The following CCDC91 variants were observed in gnomAD, a reference collection of about 807,000 sequenced individuals.
The protein encoded by CCDC91 is coiled-coil domain-containing protein 91.
Under a neutral mutation model 63.2 loss-of-function variants are expected in CCDC91, and 48 were observed. The observed-to-expected ratio is 0.76, with a 90% CI of 0.60 to 0.97. CCDC91 has a LOEUF of 0.97. Ranked by LOEUF, CCDC91 falls within the 50% of genes least tolerant of loss-of-function variation. CCDC91 has a pLI of 0.00. For synonymous variants in CCDC91, 167 were observed against 165.8 expected, an observed-to-expected ratio of 1.01 and a Z score of -0.06; for missense variants, 500 against 494.6, an observed-to-expected ratio of 1.01 and a Z score of -0.10.
At chr12:28,391,208 T>TATTA in intron 7 of CCDC91, 96 bp from the exon 8 acceptor site, 1 of 654,436 alleles carries the variant, frequency 1.5e-6, no homozygotes, top group East Asian at 2.7e-5. Context: ...GAGAATATCG[T>TATTA]ATTACAGTAT....
At chr12:28,530,174 T>C (rs1375232314) in intron 12 of CCDC91, among the ~76,000 whole-genome samples, 1 of 152,192 alleles carries the variant, frequency 6.6e-6, no homozygotes, top group Non-Finnish European at 1.5e-5. Flanking sequence ...GGTTATGACA[T>C]TGCATGACTT....
intron 11 of CCDC91, among the ~76,000 whole-genome samples, chr12:28,463,076 G>A (rs1429723968): frequency 6.6e-6 from 1 of 152,168 alleles, no homozygotes; most frequent in Non-Finnish European, 1.5e-5. Flanking sequence ...AGCTTCTACA[G>A]AAGTTACAAG....
intron 8 of CCDC91, among the ~76,000 whole-genome samples, chr12:28,443,462 T>TATTC (rs903797266): frequency 6.6e-6 from 1 of 151,760 alleles, no homozygotes; most frequent in Non-Finnish European, 1.5e-5. Flanking sequence ...ATTTTTTATT[T>TATTC]ATTCATTCAT....
At chr12:28,547,222 T>G (rs141641186) in intron 12 of CCDC91, among the ~76,000 whole-genome samples, 12 of 152,212 alleles carry the variant, frequency 7.9e-5, no homozygotes, top group African/African-American at 2.9e-4. Flanking sequence ...TCTGTACTGT[T>G]TAATTTAGAC....
chr12:28,291,242 C>T (rs1209246414), intron 3 of CCDC91, among the ~76,000 whole-genome samples: 2 of 152,042 alleles, frequency 1.3e-5, no homozygotes, highest in African/African-American at 2.4e-5. Flanking sequence ...AAATGTTTTC[C>T]CTGAAAAAGT....
At chr12:28,191,639 C>T (rs1234228235) in intron 1 of CCDC91, among the ~76,000 whole-genome samples, 2 of 150,952 alleles carry the variant, frequency 1.3e-5, no homozygotes, top group Non-Finnish European at 3.0e-5. Flanking sequence ...TTCCCCCCCC[C>T]ACAATATTTA....
chr12:28,333,200 C>A (rs1450775111), intron 6 of CCDC91, among the ~76,000 whole-genome samples: 1 of 151,512 alleles, frequency 6.6e-6, no homozygotes, highest in African/African-American at 2.4e-5. Context: ...TCGAGACTAT[C>A]ATGGCTAACA....
At chr12:28,504,365 A>G (rs1435506715) in intron 12 of CCDC91, among the ~76,000 whole-genome samples, 4 of 152,062 alleles carry the variant, frequency 2.6e-5, no homozygotes, top group South Asian at 2.1e-4. Context: ...TCATTCATTA[A>G]CAAATATTTG....
intron 7 of CCDC91, among the ~76,000 whole-genome samples, chr12:28,388,525 T>C (rs113993888): frequency 2.6e-5 from 4 of 152,174 alleles, no homozygotes; most frequent in African/African-American, 9.6e-5. Context: ...TGCAAAAACA[T>C]AAAATACTTA....
intron 12 of CCDC91, among the ~76,000 whole-genome samples, chr12:28,493,719 T>C (rs1293243763): frequency 2.6e-5 from 4 of 151,726 alleles, no homozygotes; most frequent in Non-Finnish European, 5.9e-5. Context: ...GTAACAGTAA[T>C]ACAACTAAAA....
intron 6 of CCDC91, among the ~76,000 whole-genome samples, chr12:28,346,464 G>T (rs1173010957): frequency 1.3e-5 from 2 of 152,148 alleles, no homozygotes; most frequent in Non-Finnish European, 2.9e-5. Context: ...ATAAAATAGT[G>T]CTGGAGATGA....
chr12:28,259,187 G>A lies in CCDC91; in HGVS notation c.31-177G>A, dbSNP rs1271621223. On this transcript the variant is annotated intron_variant, in intron 2 of 12. Coordinates refer to ENST00000536442, the MANE Select transcript of CCDC91 (RefSeq NM_018318.5). The stretch of plus-strand genomic sequence containing the variant: ...AAGTTAATAAGGCATGGGTACTGGG[G>A]GTGGTGAGTCATGATAGGAGTGGTA... Among the ~76,000 whole-genome samples, 6 of 151,992 alleles carry A rather than the reference G, an allele frequency of 3.9e-5. 1 individual carries two copies. In the South Asian group the frequency reaches 1.2e-3, roughly 31 times the overall value.
chr12:28,492,115 A>T (rs547801598), intron 12 of CCDC91, among the ~76,000 whole-genome samples: 2 of 151,892 alleles, frequency 1.3e-5, no homozygotes, highest in East Asian at 3.9e-4. Flanking sequence ...AATTGCCAGC[A>T]TCTTAATCTG....
At chr12:28,250,739 A>G (rs1228820455) in intron 1 of CCDC91, among the ~76,000 whole-genome samples, 1 of 152,066 alleles carries the variant, frequency 6.6e-6, no homozygotes, top group Non-Finnish European at 1.5e-5. Flanking sequence ...TTGAGCCCTT[A>G]CTATGTGCTA....
intron 3 of CCDC91, among the ~76,000 whole-genome samples, chr12:28,275,683 G>A (rs188775692): frequency 6.6e-6 from 1 of 152,046 alleles, no homozygotes; most frequent in Non-Finnish European, 1.5e-5. Flanking sequence ...GAGAATTTTA[G>A]ACCAATATCC....
At chr12:28,402,236 A>G (rs1454764119) in intron 8 of CCDC91, among the ~76,000 whole-genome samples, 1 of 152,144 alleles carries the variant, frequency 6.6e-6, no homozygotes, top group Non-Finnish European at 1.5e-5. Flanking sequence ...TATTGCTGAC[A>G]CTTTGACAAT....
At chr12:28,397,354 C>T (rs1325239796) in intron 8 of CCDC91, among the ~76,000 whole-genome samples, 1 of 152,092 alleles carries the variant, frequency 6.6e-6, no homozygotes, top group Non-Finnish European at 1.5e-5. Context: ...CTTTGAGGAG[C>T]TTAGATGATA....
chr12:28,404,236 A>G (rs1239717675), intron 8 of CCDC91, among the ~76,000 whole-genome samples: 1 of 152,048 alleles, frequency 6.6e-6, no homozygotes, highest in African/African-American at 2.4e-5. Flanking sequence ...TATTTTCAAT[A>G]TCTTTTGAGA....
intron 1 of CCDC91, among the ~76,000 whole-genome samples, chr12:28,218,471 A>AAAG (rs148891162): frequency 2.9e-4 from 44 of 151,210 alleles, no homozygotes; most frequent in East Asian, 7.8e-4. Context: ...ATTAAAAAAA[A>AAAG]AAATCACCAA....
Sources: gnomAD v4.1 joint callset for allele counts (sites outside exome capture counted in the v4.1 genomes callset) on GRCh38, gnomAD v4.1.1 for gene constraint, MANE v1.5 for transcripts, NCBI Gene and HGNC (gene_info 2026-07-23, HGNC 2026-07-21) for gene names.